Variants in PC observed in about 807,000 individuals in gnomAD.
The protein encoded by PC is pyruvate carboxylase.
Under a neutral mutation model 107.8 loss-of-function variants are expected in PC, and 46 were observed. The observed-to-expected ratio is 0.43, with a 90% CI of 0.34 to 0.55. The LOEUF (loss-of-function observed/expected upper bound fraction) is 0.55, where lower values mean the gene tolerates loss of function less well. Among genes scored for constraint, PC ranks in the 20% least tolerant of loss-of-function variants. The probability of loss-of-function intolerance (pLI) is 0.04; values close to 1 mark genes in which losing one functional copy is unlikely to be tolerated. For synonymous variants in PC, 662 were observed against 684.7 expected (o/e 0.97, Z 0.52); for missense variants, 1,241 against 1,643.1 (o/e 0.76, Z 4.23).
intron 3 of PC, among the ~76,000 whole-genome samples, chr11:66,920,437 A>G (rs1948566381): frequency 6.6e-6 from 1 of 152,124 alleles, no homozygotes; most frequent in Non-Finnish European, 1.5e-5. Context: ...CATATCTCGG[A>G]TGATAAAGCT....
In PC at chr11:66,894,717, G is replaced by A. The variant is rs118149051; in HGVS notation, c.1-22558C>T. 4.5e-3 allele frequency among the ~76,000 whole-genome samples: 687 copies of A among 152,272 alleles called. 11 individuals carry two copies. The East Asian group carries it at 0.046, about 10-fold the overall frequency. On this transcript the variant is annotated intron_variant, in intron 3 of 22. Transcript: ENST00000393960. ...CTGCCGTGTATAAAGAGGGCAGGCT[G>A]AAAGCTTTCAAAAAGCAATCAGGGC...
At chr11:66,930,310 G>A (rs1051169958) in intron 3 of PC, among the ~76,000 whole-genome samples, 9 of 152,132 alleles carry the variant, frequency 5.9e-5, no homozygotes, top group African/African-American at 2.2e-4. Context: ...CCTACTGATG[G>A]CAGGAGAAGG....
chr11:66,860,689 G>C (rs766480758), intron 12 of PC: 83 of 701,072 alleles, frequency 1.2e-4, no homozygotes, highest in Non-Finnish European at 2.0e-4. Context: ...CATGGGCTTG[G>C]GCAGGCGGCC....
At chr11:66,904,256 T>C (rs1377162692) in intron 3 of PC, among the ~76,000 whole-genome samples, 1 of 151,962 alleles carries the variant, frequency 6.6e-6, no homozygotes, top group East Asian at 1.9e-4. Context: ...GTCAACATCC[T>C]TGAAGGAATG....
intron 3 of PC, among the ~76,000 whole-genome samples, chr11:66,883,295 C>T (rs1947249781): frequency 6.6e-6 from 1 of 152,210 alleles, no homozygotes; most frequent in African/African-American, 2.4e-5. Flanking sequence ...TGCTCCATCC[C>T]AGCCTCACTG....
In PC at chr11:66,866,998, C is replaced by A. The variant is rs1946527269; in HGVS notation, c.1023-649G>T. ...AGATGCTTGGAGAGTGCAAGCTTCC[C>A]CACCTCTGCAGGGTTTTCCAAGCTC... On this transcript the variant is annotated intron_variant, in intron 10 of 22. Transcript: ENST00000393960. The surrounding 1 kb of genome is among the most constrained non-coding windows in gnomAD (Gnocchi z 5.4). Among the ~76,000 whole-genome samples, 1 of 152,178 alleles carries A rather than the reference C, an allele frequency of 6.6e-6. No individual in the cohort carries two copies. The highest frequency in any genetic ancestry group is 2.4e-5 in the African/African-American group (1 of 41,444).
rs1392612182 is a variant in PC at position 66,870,295 on chromosome 11, C to G, written c.903+7G>C. 6.2e-7 allele frequency: 1 copy of G among 1,612,812 alleles called. No homozygotes were observed. Among genetic ancestry groups the G allele is most frequent in the Non-Finnish European group, 8.5e-7 (1 of 1,179,992 alleles). The stretch of plus-strand genomic sequence containing the variant: ...TCCTGTCCCAACACGGGAAGCCCAC[C>G]CTTCACCTGTTTAGCGAGTTTCACA... On this transcript the variant is annotated splice_region_variant and intron_variant, in intron 9 of 22. Coordinates refer to ENST00000393960, the MANE Select transcript of PC (RefSeq NM_001040716.2). The surrounding 1 kb of genome is among the most constrained non-coding windows in gnomAD (Gnocchi z 6.1).
intron 3 of PC, among the ~76,000 whole-genome samples, chr11:66,927,723 CAAA>C (rs568408958): frequency 7.3e-5 from 7 of 96,088 alleles, no homozygotes; most frequent in Admixed American, 1.2e-4. Flanking sequence ...AAGTCCGTCT[CAAA>C]AAAAAAAAAA....
Position 66,866,926 on chromosome 11 carries a change from C to T in PC, c.1023-577G>A, listed in dbSNP as rs7948839. ...AGTGGGTGCTGGGTCAGGACCTGTCCTTCTGAGGCCTGTTTTCCTGCTGGA... is the reference window on the plus strand; with the variant it reads ...AGTGGGTGCTGGGTCAGGACCTGTCTTTCTGAGGCCTGTTTTCCTGCTGGA... On this transcript the variant is annotated intron_variant, in intron 10 of 22. Transcript: ENST00000393960. The surrounding 1 kb of genome is among the most constrained non-coding windows in gnomAD (Gnocchi z 5.4). 0.37 allele frequency among the ~76,000 whole-genome samples: 55,890 copies of T among 151,916 alleles called. 11,761 individuals carry two copies. The highest frequency in any genetic ancestry group is 0.59 in the African/African-American group (24,439 of 41,386).
intron 3 of PC, among the ~76,000 whole-genome samples, chr11:66,948,979 ATTATTATTAT>A (rs911982148): frequency 1.3e-5 from 2 of 151,594 alleles, no homozygotes; most frequent in African/African-American, 4.8e-5. Flanking sequence ...TGGAAGAATT[ATTATTATTAT>A]TTATTATTAT....
chr11:66,871,935 G>A lies in PC; in HGVS notation c.137-64C>T, dbSNP rs868408050. 5.7e-6 allele frequency: 9 copies of A among 1,577,914 alleles called. No homozygotes were observed. The highest frequency in any genetic ancestry group is 6.9e-6 in the Non-Finnish European group (8 of 1,163,010). ...CTAGGAGAAGCAGAAAGGGGAGTGG[G>A]AAGCCAGGGCCTGGGGCAGTGAGTG... On this transcript the variant is annotated intron_variant, in intron 4 of 22. Coordinates refer to ENST00000393960, the MANE Select transcript of PC (RefSeq NM_001040716.2). The surrounding 1 kb of genome is among the most constrained non-coding windows in gnomAD (Gnocchi z 7.4).
intron 1 of PC, among the ~76,000 whole-genome samples, chr11:66,954,847 G>A (rs1389357302): frequency 6.6e-6 from 1 of 152,090 alleles, no homozygotes; most frequent in Non-Finnish European, 1.5e-5. Context: ...GGAGGCTGAG[G>A]CAGGAGAATC....
At chr11:66,903,189 C>T (rs1233528053) in intron 3 of PC, among the ~76,000 whole-genome samples, 1 of 152,242 alleles carries the variant, frequency 6.6e-6, no homozygotes, top group African/African-American at 2.4e-5. Flanking sequence ...TAGGGCCAGA[C>T]TGCCTTTCCC....
In PC at chr11:66,849,738, A is replaced by G; in HGVS notation, c.3020T>C (p.Val1007Ala). The change falls in exon 21 of 23, where the codon GTG becomes GCG. Residue 1007 changes from valine (V) to alanine (A), a missense_variant. Val to Ala is a moderately conservative substitution (Grantham distance 64). Transcript: ENST00000393960. ...RHGEEVTPED[V>A]LSAAMYPDVF... ...ATCGGGGTACATAGCTGCTGAGAGCACATCTTCCGGCGTCACCTCCTCCCC... is the reference window on the plus strand; with the variant it reads ...ATCGGGGTACATAGCTGCTGAGAGCGCATCTTCCGGCGTCACCTCCTCCCC... The G allele has an allele frequency of 6.2e-7, 1 of 1,614,214 alleles. No individual in the cohort carries two copies. Among genetic ancestry groups the G allele is most frequent in the African/African-American group, 1.3e-5 (1 of 75,050 alleles).
At chr11:66,912,905 C>T (rs1013160907) in intron 3 of PC, among the ~76,000 whole-genome samples, 3 of 152,140 alleles carry the variant, frequency 2.0e-5, no homozygotes, top group Non-Finnish European at 4.4e-5. Flanking sequence ...TCAATGTTAA[C>T]GAAGGGCTTC....
At chr11:66,940,308 C>T (rs1949099949) in intron 3 of PC, among the ~76,000 whole-genome samples, 2 of 151,588 alleles carry the variant, frequency 1.3e-5, no homozygotes, top group Admixed American at 6.6e-5. Context: ...AAGTGATCCT[C>T]CCACTTCAGT....
chr11:66,853,803 T>A (rs1247704131), intron 12 of PC, among the ~76,000 whole-genome samples: 2 of 152,176 alleles, frequency 1.3e-5, no homozygotes, highest in African/African-American at 4.8e-5. Context: ...GCGGGCATGC[T>A]CCCGCCTTGC....
rs755200748 is a variant in PC at position 66,849,968 on chromosome 11, T to C, written c.2867A>G (p.His956Arg). The change falls in exon 20 of 23, where the codon CAT becomes CGT. Residue 956 changes from histidine (H) to arginine (R), a missense_variant. By Grantham distance (29) the His-to-Arg change is conservative (BLOSUM62 0). Transcript: ENST00000393960. The stretch of plus-strand genomic sequence containing the variant: ...GCGAAAGGGTTCGGGGAACCCCCCA[T>C]GGGGGACACCGATGTAGCCCTGCAG... ...EFLQGYIGVPHGGFPEPFRSK... is the reference protein window; with the variant it reads ...EFLQGYIGVPRGGFPEPFRSK... 1 of 1,613,604 alleles carries C rather than the reference T, an allele frequency of 6.2e-7. No individual in the cohort carries two copies. Among genetic ancestry groups the C allele is most frequent in the Non-Finnish European group, 8.5e-7 (1 of 1,180,016 alleles).
chr11:66,952,950 C>T (rs140475385), intron 2 of PC, among the ~76,000 whole-genome samples: 7 of 152,320 alleles, frequency 4.6e-5, no homozygotes, highest in African/African-American at 1.7e-4. Context: ...CTCTGACAGC[C>T]GCTCTGTAAT....
Sources: gnomAD v4.1 joint callset for allele counts (sites outside exome capture counted in the v4.1 genomes callset) on GRCh38, gnomAD v4.1.1 for gene constraint, Gnocchi (gnomAD v3.1) non-coding constraint, MANE v1.5 for transcripts, NCBI Gene and HGNC (gene_info 2026-07-23, HGNC 2026-07-21) for gene names.